CCSER1: variants seen among roughly 807,000 people sequenced by gnomAD.
CCSER1 encodes serine-rich coiled-coil domain-containing protein 1.
A neutral mutation model predicts 82.0 loss-of-function variants in CCSER1; 41 were observed. That is an observed-to-expected ratio of 0.50 (90% CI 0.39 to 0.65). CCSER1 has a LOEUF of 0.65. CCSER1 is among the 30% of genes least tolerant of loss of function. The pLI, the probability that CCSER1 is intolerant of heterozygous loss-of-function variation, is 0.00. For missense variants in CCSER1, 1,119 were observed against 1,064.2 expected (o/e 1.05, Z -0.72); for synonymous variants, 414 against 383.9 (o/e 1.08, Z -0.92).
At chr4:90,616,241 C>A (rs1347603210) in intron 5 of CCSER1, among the ~76,000 whole-genome samples, 3 of 152,018 alleles carry the variant, frequency 2.0e-5, no homozygotes, top group East Asian at 1.9e-4. Flanking sequence ...TGGCATGGAA[C>A]CTAACCCATG....
At chr4:91,589,676 T>A (rs7676835) in intron 10 of CCSER1, among the ~76,000 whole-genome samples, 1 of 151,320 alleles carries the variant, frequency 6.6e-6, no homozygotes, top group African/African-American at 2.4e-5. Flanking sequence ...CCTTTCCCTC[T>A]AGCATATAAA....
intron 10 of CCSER1, among the ~76,000 whole-genome samples, chr4:91,143,739 G>T (rs1032181655): frequency 6.6e-6 from 1 of 151,878 alleles, no homozygotes; most frequent in Non-Finnish European, 1.5e-5. Flanking sequence ...TTATCATATG[G>T]TTTTTGTTTT....
intron 10 of CCSER1, among the ~76,000 whole-genome samples, chr4:91,541,336 G>C (rs997892833): frequency 6.6e-6 from 1 of 152,054 alleles, no homozygotes; most frequent in African/African-American, 2.4e-5. Context: ...CCATTAACTC[G>C]TCATTTTTAT....
At chr4:91,461,515 C>A (rs1756498998) in intron 10 of CCSER1, among the ~76,000 whole-genome samples, 1 of 151,994 alleles carries the variant, frequency 6.6e-6, no homozygotes, top group Non-Finnish European at 1.5e-5. Flanking sequence ...ACAAATGACC[C>A]CTGTGCATTG....
intron 10 of CCSER1, among the ~76,000 whole-genome samples, chr4:91,320,054 C>A (rs929964385): frequency 6.6e-6 from 1 of 151,984 alleles, no homozygotes; most frequent in Non-Finnish European, 1.5e-5. Flanking sequence ...GTGCTACCTG[C>A]CCTAGCCACT....
rs75213618 is a variant in CCSER1 at position 91,188,268 on chromosome 4, A to G, written c.2217+102274A>G. Among the ~76,000 whole-genome samples the G allele has an allele frequency of 8.9e-3, 1,352 of 152,246 alleles. 15 individuals carry two copies. The highest frequency in any genetic ancestry group is 0.03 in the African/African-American group (1,251 of 41,538). On this transcript the variant is annotated intron_variant, in intron 10 of 10. Coordinates refer to ENST00000509176, the MANE Select transcript of CCSER1 (RefSeq NM_001145065.2). ...ACTTACCAATGTCTATTCTCTTCTCAGTTTTCAGGAAACATTGTCTATAAC... is the reference window on the plus strand; with the variant it reads ...ACTTACCAATGTCTATTCTCTTCTCGGTTTTCAGGAAACATTGTCTATAAC...
At chr4:90,453,458 A>G (rs115844583) in intron 4 of CCSER1, among the ~76,000 whole-genome samples, 1,852 of 152,280 alleles carry the variant, frequency 0.012, 29 homozygotes, top group African/African-American at 0.042. Flanking sequence ...GCTTCTAGTC[A>G]TTTCCTAACT....
chr4:91,019,411 C>T (rs997466553), intron 9 of CCSER1, among the ~76,000 whole-genome samples: 2 of 151,934 alleles, frequency 1.3e-5, no homozygotes, highest in African/African-American at 4.8e-5. Flanking sequence ...ATTCTAAAAA[C>T]ACGAATTATT....
rs150542909 is a variant in CCSER1, at chr4:90,732,775, CAT to C, written c.2010+8785_2010+8786del. Among the ~76,000 whole-genome samples, 871 of 152,246 alleles carry C rather than the reference CAT, an allele frequency of 5.7e-3. 11 individuals carry two copies. Among genetic ancestry groups the C allele is most frequent in the African/African-American group, 0.02 (832 of 41,546 alleles). On this transcript the variant is annotated intron_variant, in intron 7 of 10. Coordinates refer to ENST00000509176, the MANE Select transcript of CCSER1 (RefSeq NM_001145065.2). ...AATATTTAGCTCCCATAAATAAGAA[CAT>C]GTGTAATTTTCTTACTTTCCTTGGC... is the stretch of plus-strand genomic sequence containing the variant.
chr4:91,234,279 A>T (rs1265654055), intron 10 of CCSER1, among the ~76,000 whole-genome samples: 1 of 152,022 alleles, frequency 6.6e-6, no homozygotes, highest in Non-Finnish European at 1.5e-5. Context: ...TTTAAAATTC[A>T]ATCTTGCCAT....
intron 10 of CCSER1, among the ~76,000 whole-genome samples, chr4:91,361,410 ATT>A (rs1445570858): frequency 6.6e-6 from 1 of 151,810 alleles, no homozygotes; most frequent in South Asian, 2.1e-4. Context: ...GTTAACTTAA[ATT>A]TTTTTTGGAC....
intron 3 of CCSER1, among the ~76,000 whole-genome samples, chr4:90,327,841 T>G (rs1025285178): frequency 1.3e-5 from 2 of 152,200 alleles, no homozygotes. Context: ...AGTTGAGAAC[T>G]ATCTAAAGGT....
chr4:90,566,032 AT>A (rs375375662), intron 5 of CCSER1, among the ~76,000 whole-genome samples: 4,027 of 122,414 alleles, frequency 0.033, 124 homozygotes, highest in African/African-American at 0.092. Flanking sequence ...TAATTTTTGT[AT>A]TTTTTTTTTT....
chr4:90,432,447 G>GT (rs2153567309), intron 4 of CCSER1, among the ~76,000 whole-genome samples: 1 of 152,256 alleles, frequency 6.6e-6, no homozygotes, highest in Non-Finnish European at 1.5e-5. Flanking sequence ...ACATTGTAAT[G>GT]TTTTTTCTTT....
At chr4:91,331,287 C>G (rs1304641462) in intron 10 of CCSER1, among the ~76,000 whole-genome samples, 1 of 152,154 alleles carries the variant, frequency 6.6e-6, no homozygotes. Flanking sequence ...TTACATCCCA[C>G]TATGGACACT....
At chr4:90,206,424 C>CTTAT (rs2153410531) in intron 1 of CCSER1, among the ~76,000 whole-genome samples, 1 of 152,178 alleles carries the variant, frequency 6.6e-6, no homozygotes, top group Non-Finnish European at 1.5e-5. Flanking sequence ...TTTCAAAGAA[C>CTTAT]TTATTTATTT....
intron 6 of CCSER1, among the ~76,000 whole-genome samples, chr4:90,651,966 A>G (rs1043247642): frequency 3.3e-5 from 5 of 152,180 alleles, no homozygotes; most frequent in African/African-American, 1.2e-4. Flanking sequence ...CAATGGAAAA[A>G]TTAAGTTCAT....
intron 10 of CCSER1, among the ~76,000 whole-genome samples, chr4:91,313,084 A>G (rs1358716863): frequency 2.0e-5 from 3 of 151,890 alleles, no homozygotes; most frequent in African/African-American, 7.2e-5. Flanking sequence ...ATTTTCATCC[A>G]AGTCTATACA....
At chr4:91,548,932 C>G (rs1015803664) in intron 10 of CCSER1, among the ~76,000 whole-genome samples, 10 of 152,176 alleles carry the variant, frequency 6.6e-5, no homozygotes, top group Middle Eastern at 3.4e-3. Flanking sequence ...CATCATTATT[C>G]CTTAAAATAT....
Sources: allele counts gnomAD v4.1 joint callset (sites outside exome capture counted in the v4.1 genomes callset), GRCh38; gene constraint gnomAD v4.1.1; transcripts MANE v1.5; gene names NCBI Gene and HGNC (gene_info 2026-07-23, HGNC 2026-07-21).